Variants in KAZN observed in about 807,000 individuals in gnomAD.
The protein encoded by KAZN is kazrin.
KAZN carries 40 observed loss-of-function variants against 87.4 expected under a neutral mutation model. The observed-to-expected ratio is 0.46, with a 90% confidence interval of 0.36 to 0.60. The LOEUF (loss-of-function observed/expected upper bound fraction) is 0.60, where lower values mean the gene tolerates loss of function less well. Ranked by LOEUF, KAZN falls within the 20% of genes least tolerant of loss-of-function variation. The pLI is 0.00. For missense variants in KAZN, 898 were observed against 1,073.9 expected, an observed-to-expected ratio of 0.84 and a Z score of 2.29; for synonymous variants, 466 against 458.3, an observed-to-expected ratio of 1.02 and a Z score of -0.22.
chr1:14,653,632 A>G (rs945942250), intron 1 of KAZN, among the ~76,000 whole-genome samples: 1 of 152,228 alleles, frequency 6.6e-6, no homozygotes, highest in Non-Finnish European at 1.5e-5. Flanking sequence ...AACAAAACAC[A>G]CCCGTAGGCC....
chr1:14,154,257 T>C (rs1645539906), intron 1 of KAZN, among the ~76,000 whole-genome samples: 1 of 152,256 alleles, frequency 6.6e-6, no homozygotes, highest in South Asian at 2.1e-4. Context: ...TCTTTGTTGC[T>C]ATTATAAATG....
chr1:14,544,067 T>A (rs1672975295), intron 2 of KAZN, among the ~76,000 whole-genome samples: 1 of 152,166 alleles, frequency 6.6e-6, no homozygotes, highest in South Asian at 2.1e-4. Context: ...TGAATCAGGC[T>A]TTTCAAAGTT....
chr1:14,001,292 AC>A (rs1639781254), intron 1 of KAZN, among the ~76,000 whole-genome samples: 1 of 152,192 alleles, frequency 6.6e-6, no homozygotes, highest in Non-Finnish European at 1.5e-5. Flanking sequence ...AATGCAGCTA[AC>A]AAGGGATATG....
intron 2 of KAZN, among the ~76,000 whole-genome samples, chr1:14,542,866 G>A (rs1468889120): frequency 1.3e-5 from 2 of 152,146 alleles, no homozygotes; most frequent in African/African-American, 2.4e-5. Flanking sequence ...CACACTGCAC[G>A]ACTCTAATGG....
intron 8 of KAZN, among the ~76,000 whole-genome samples, chr1:15,069,724 G>A (rs774769463): frequency 6.6e-6 from 1 of 152,182 alleles, no homozygotes; most frequent in Non-Finnish European, 1.5e-5. Flanking sequence ...GAGTAGGGCT[G>A]CCCAGGGCAT....
At chr1:14,950,596 T>A (rs1194414386) in intron 1 of KAZN, among the ~76,000 whole-genome samples, 1 of 152,162 alleles carries the variant, frequency 6.6e-6, no homozygotes, top group African/African-American at 2.4e-5. Context: ...CTTAGGACGC[T>A]GCGAGCTGAG....
chr1:15,101,698 A>C lies in KAZN; in HGVS notation c.1703A>C (p.Asn568Thr). Reference sequence around the variant, plus strand: ...AAGCGAGACCTGGAGAAGCACCTGAACGTGTCCAAGAAGTTCCACCAGGTC... The same window carrying C: ...AAGCGAGACCTGGAGAAGCACCTGACCGTGTCCAAGAAGTTCCACCAGGTC... ...LMKRDLEKHL[N>T]VSKKFHQVSI... The change falls in exon 11 of 15, where the codon AAC becomes ACC. Residue 568 changes from asparagine to threonine, a missense_variant. Physicochemically the swap from Asn to Thr is moderately conservative, Grantham distance 65. Coordinates refer to ENST00000376030, the MANE Select transcript of KAZN (RefSeq NM_201628.3). 1 of 1,596,046 alleles carries C rather than the reference A, an allele frequency of 6.3e-7. No homozygotes were observed. Among genetic ancestry groups the C allele is most frequent in the Non-Finnish European group, 8.5e-7 (1 of 1,171,170 alleles).
chr1:14,942,370 C>G (rs952500510), intron 1 of KAZN, among the ~76,000 whole-genome samples: 1 of 152,124 alleles, frequency 6.6e-6, no homozygotes, highest in African/African-American at 2.4e-5. Flanking sequence ...AAGGAAAGAT[C>G]TAGTAGAAGT....
At chr1:14,719,284 G>A (rs1331962437) in intron 1 of KAZN, among the ~76,000 whole-genome samples, 1 of 152,222 alleles carries the variant, frequency 6.6e-6, no homozygotes, top group African/African-American at 2.4e-5. Flanking sequence ...CATTTACGCT[G>A]AGTGCATAGC....
At chr1:14,933,942 G>A (rs1287075198) in intron 1 of KAZN, among the ~76,000 whole-genome samples, 1 of 151,862 alleles carries the variant, frequency 6.6e-6, no homozygotes, top group Non-Finnish European at 1.5e-5. Flanking sequence ...CCGCCTCCCG[G>A]GTTCACGCCA....
At chr1:14,701,216 G>T (rs1412816102) in intron 1 of KAZN, among the ~76,000 whole-genome samples, 1 of 152,146 alleles carries the variant, frequency 6.6e-6, no homozygotes, top group Non-Finnish European at 1.5e-5. Flanking sequence ...AACCTCCTGG[G>T]CTTAAGTGAT....
intron 1 of KAZN, among the ~76,000 whole-genome samples, chr1:14,123,484 A>C (rs139841830): frequency 1.2e-4 from 19 of 152,356 alleles, no homozygotes; most frequent in African/African-American, 4.3e-4. Flanking sequence ...AGAGAAGAGA[A>C]TCACCTGGAG....
intron 1 of KAZN, among the ~76,000 whole-genome samples, chr1:13,958,568 C>T (rs1392331955): frequency 4.1e-5 from 4 of 96,918 alleles, no homozygotes; most frequent in Non-Finnish European, 5.9e-5. Context: ...AGCCAGACTC[C>T]ATCTCAAAAA....
intron 1 of KAZN, among the ~76,000 whole-genome samples, chr1:14,817,054 G>A (rs777641326): frequency 6.6e-6 from 1 of 152,162 alleles, no homozygotes; most frequent in Non-Finnish European, 1.5e-5. Context: ...TTCAGACCAC[G>A]CCCTCCTGCC....
chr1:14,075,519 G>A, intron 1 of KAZN, among the ~76,000 whole-genome samples: 1 of 151,998 alleles, frequency 6.6e-6, no homozygotes, highest in Non-Finnish European at 1.5e-5. Flanking sequence ...ACAGATAAGG[G>A]GTTGGCATGG....
intron 1 of KAZN, among the ~76,000 whole-genome samples, chr1:14,849,795 T>A (rs1251743103): frequency 2.6e-5 from 4 of 152,210 alleles, no homozygotes; most frequent in Non-Finnish European, 5.9e-5. Context: ...CATTCATCCA[T>A]TGTTTCCATA....
rs890748110 is a variant in KAZN, at chr1:14,845,962, G to A, written c.227-114722G>A. On this transcript the variant is annotated intron_variant, in intron 1 of 14. Transcript: ENST00000376030. ...AGCTGTCCAGGAGTCCTCAAGCCAAGTTAGTCAACAGAAAAATCCCGTGTC... is the reference window on the plus strand; with the variant it reads ...AGCTGTCCAGGAGTCCTCAAGCCAAATTAGTCAACAGAAAAATCCCGTGTC... Among the ~76,000 whole-genome samples, 7 of 152,292 alleles carry A rather than the reference G, an allele frequency of 4.6e-5. No homozygotes were observed. In the South Asian group the frequency reaches 1.2e-3, roughly 27 times the overall value.
rs980195740 is a variant in KAZN, at chr1:14,250,104, G to T, written c.249+69512G>T. 7.9e-5 allele frequency among the ~76,000 whole-genome samples: 12 copies of T among 152,168 alleles called. 1 individual carries two copies. In the East Asian group the frequency reaches 2.3e-3, roughly 29 times the overall value. ...ACCATCCCTTCCATTATTCTCTTTTGCTGTTAATAAATATTTCTGAATTTT... is the reference window on the plus strand; with the variant it reads ...ACCATCCCTTCCATTATTCTCTTTTTCTGTTAATAAATATTTCTGAATTTT... On this transcript the variant is annotated intron_variant, in intron 2 of 16. Transcript: ENST00000636203.
chr1:14,475,708 C>T (rs1200582445), intron 2 of KAZN, among the ~76,000 whole-genome samples: 1 of 152,084 alleles, frequency 6.6e-6, no homozygotes, highest in Non-Finnish European at 1.5e-5. Context: ...AGGGAGGGCT[C>T]TTGTGAGTAT....
Sources: allele counts gnomAD v4.1 joint callset (sites outside exome capture counted in the v4.1 genomes callset), GRCh38; gene constraint gnomAD v4.1.1; transcripts MANE v1.5; gene names NCBI Gene and HGNC (gene_info 2026-07-23, HGNC 2026-07-21).